Variants in LAMA2 observed in about 807,000 individuals in gnomAD.
LAMA2 encodes the protein laminin subunit alpha-2.
In LAMA2, 269 loss-of-function variants were observed where a neutral mutation model predicts 364.8. That is an observed-to-expected ratio of 0.74 (90% CI 0.67 to 0.82). The LOEUF is 0.82. Among genes scored for constraint, LAMA2 ranks in the 40% least tolerant of loss-of-function variants. The pLI is 0.00. For missense variants in LAMA2, 3,807 were observed against 3,873.2 expected (o/e 0.98, Z 0.45); for synonymous variants, 1,379 against 1,370.6 (o/e 1.01, Z -0.14).
At chr6:128,904,001 A>T (rs2114425458) in intron 1 of LAMA2, among the ~76,000 whole-genome samples, 1 of 152,354 alleles carries the variant, frequency 6.6e-6, no homozygotes, top group Middle Eastern at 3.4e-3. Context: ...AGACCTAAAG[A>T]GGCAACTCCC....
At chr6:129,424,865 A>G (rs867058864) in intron 40 of LAMA2, among the ~76,000 whole-genome samples, 1 of 151,192 alleles carries the variant, frequency 6.6e-6, no homozygotes, top group South Asian at 2.1e-4. Context: ...TATTTACTCC[A>G]AGATAAATGA....
Position 129,231,270 on chromosome 6 carries a change from A to T in LAMA2, c.1783-18842A>T, listed in dbSNP as rs115094488. 4.8e-3 allele frequency among the ~76,000 whole-genome samples: 736 copies of T among 152,264 alleles called. 8 individuals carry two copies. The highest frequency in any genetic ancestry group is 0.017 in the African/African-American group (691 of 41,584). ...AGGCATAGGTTATTATTTTGAAATT[A>T]TGCTTTACTGAACACATAGGAATTG... On this transcript the variant is annotated intron_variant, in intron 12 of 64. Transcript: ENST00000421865.
At chr6:129,442,279 G>T in intron 43 of LAMA2, 1 of 1,196,688 alleles carries the variant, frequency 8.4e-7, no homozygotes, top group Non-Finnish European at 1.1e-6. Context: ...ACTCCTTCAT[G>T]AGCAAGGAAG....
intron 30 of LAMA2, among the ~76,000 whole-genome samples, chr6:129,347,560 A>G (rs1243813538): frequency 1.3e-5 from 2 of 152,178 alleles, no homozygotes; most frequent in Non-Finnish European, 2.9e-5. Flanking sequence ...TTATCTCTGC[A>G]GTGTCCATAG....
chr6:129,310,665 A>C (rs1240771290), intron 22 of LAMA2, among the ~76,000 whole-genome samples: 1 of 152,060 alleles, frequency 6.6e-6, no homozygotes, highest in African/African-American at 2.4e-5. Context: ...TGGTTACTAA[A>C]AAAGGATAAA....
chr6:129,090,445 A>G (rs1049961729), intron 3 of LAMA2, among the ~76,000 whole-genome samples: 2 of 152,214 alleles, frequency 1.3e-5, no homozygotes, highest in Admixed American at 1.3e-4. Context: ...CAGTATTCAA[A>G]TTCATCACAC....
chr6:129,173,399 G>A (rs918227749), intron 9 of LAMA2, among the ~76,000 whole-genome samples: 3 of 152,090 alleles, frequency 2.0e-5, no homozygotes, highest in Non-Finnish European at 4.4e-5. Context: ...ATGTTCAAGA[G>A]AGCTTACATG....
In LAMA2 at chr6:129,352,895, C is replaced by CATT. The variant is rs112598431; in HGVS notation, c.4524-249_4524-247dup. 0.1 allele frequency among the ~76,000 whole-genome samples: 15,621 copies of CATT among 151,412 alleles called. 1,059 individuals carry two copies. The highest frequency in any genetic ancestry group is 0.18 in the African/African-American group (7,275 of 41,214). ...AGCCTGATATTACAAAGTAATTTAA[C>CATT]ATTATTATTATTATTATTATTAATG... On this transcript the variant is annotated intron_variant, in intron 31 of 64. Coordinates refer to ENST00000421865, the MANE Select transcript of LAMA2 (RefSeq NM_000426.4).
chr6:129,141,105 T>C (rs1477774082), intron 4 of LAMA2, among the ~76,000 whole-genome samples: 1 of 152,050 alleles, frequency 6.6e-6, no homozygotes, highest in Non-Finnish European at 1.5e-5. Context: ...AGCGATTTCC[T>C]CCTTTCTTTC....
intron 48 of LAMA2, among the ~76,000 whole-genome samples, chr6:129,457,849 C>T (rs1783050190): frequency 6.6e-6 from 1 of 152,054 alleles, no homozygotes; most frequent in Non-Finnish European, 1.5e-5. Flanking sequence ...TAGAAGGAGG[C>T]TTCTTGCTGT....
In LAMA2 at chr6:129,362,544, C is replaced by T. The variant is rs147763394; in HGVS notation, c.4718-3675C>T. On this transcript the variant is annotated intron_variant, in intron 32 of 64. Coordinates refer to ENST00000421865, the MANE Select transcript of LAMA2 (RefSeq NM_000426.4). ...TCTCTTTGTCCAAAGTGTTTTGATA[C>T]CCTTCTCTCACAAAAATATTAGCCC... Among the ~76,000 whole-genome samples the T allele has an allele frequency of 1.2e-3, 176 of 152,250 alleles. 1 individual carries two copies. Among genetic ancestry groups the T allele is most frequent in the African/African-American group, 4.0e-3 (167 of 41,556 alleles).
chr6:129,395,249 T>C (rs1175051002), intron 37 of LAMA2, among the ~76,000 whole-genome samples: 5 of 152,182 alleles, frequency 3.3e-5, no homozygotes, highest in Non-Finnish European at 5.9e-5. Context: ...GCATTTTAAA[T>C]AAATAACTCC....
chr6:128,913,535 G>T (rs188519696), intron 1 of LAMA2, among the ~76,000 whole-genome samples: 1 of 152,110 alleles, frequency 6.6e-6, no homozygotes, highest in Non-Finnish European at 1.5e-5. Flanking sequence ...CTGACTATGG[G>T]CATTTTAATA....
chr6:129,457,831 G>A (rs1304003148), intron 48 of LAMA2, among the ~76,000 whole-genome samples: 1 of 152,092 alleles, frequency 6.6e-6, no homozygotes, highest in African/African-American at 2.4e-5. Flanking sequence ...GTGAGAGCCA[G>A]TTTTTCATAG....
Position 129,050,066 on chromosome 6 carries a change from T to A in LAMA2, c.261T>A (p.Asn87Lys), listed in dbSNP as rs1271285115. ...GGAACCCGCAGTGTCGAATCTGCAA[T>A]CAAAACAGCAGCAATCCAAACCGTA... ...PVRNPQCRIC[N>K]QNSSNPNQRH... The change falls in exon 2 of 65, where the codon AAT becomes AAA. Residue 87 changes from asparagine to lysine, a missense_variant. Transcript: ENST00000421865. 5.0e-6 allele frequency: 8 copies of A among 1,614,052 alleles called. No individual in the cohort carries two copies. Among genetic ancestry groups the A allele is most frequent in the Non-Finnish European group, 6.8e-6 (8 of 1,180,022 alleles).
intron 63 of LAMA2, among the ~76,000 whole-genome samples, chr6:129,514,082 G>A (rs1323409724): frequency 6.6e-6 from 1 of 152,078 alleles, no homozygotes; most frequent in Non-Finnish European, 1.5e-5. Context: ...TCCTTTTCTT[G>A]TCACCTGGCC....
chr6:129,132,168 CTTT>C (rs1179325141), intron 4 of LAMA2, among the ~76,000 whole-genome samples: 3 of 140,116 alleles, frequency 2.1e-5, no homozygotes. Flanking sequence ...TGACCTTACT[CTTT>C]TTTTTTTTTT....
Position 129,342,454 on chromosome 6 carries a change from T to C in LAMA2, c.4423T>C (p.Ser1475Pro), listed in dbSNP as rs1347775470. The C allele has an allele frequency of 3.1e-6, 5 of 1,613,154 alleles. No individual in the cohort carries two copies. The South Asian group carries it at 5.5e-5, about 18-fold the overall frequency. ...TCAGCAATGTGCCTGCCCTCTGATT[T>C]CTTCCAGTAACAAGTAAGATTGAGA... ...DCQQCACPLI[S>P]SSNNFSPSCV... Residue 1475 changes from serine to proline, a missense_variant, in exon 30 of 65, where the codon TCT becomes CCT. Ser to Pro is a moderately conservative substitution (Grantham distance 74). Around this residue, in one of 3 missense-constraint regions of LAMA2, gnomAD observed 3,333 missense variants for 3,345.7 expected, o/e 1.00. Transcript: ENST00000421865.
At chr6:129,289,936 G>T (rs1418327537) in intron 19 of LAMA2, among the ~76,000 whole-genome samples, 1 of 152,010 alleles carries the variant, frequency 6.6e-6, no homozygotes, top group Non-Finnish European at 1.5e-5. Flanking sequence ...TCACTTCTAT[G>T]CATAAGTGGT....
Sources: gnomAD v4.1 joint callset for allele counts (sites outside exome capture counted in the v4.1 genomes callset) on GRCh38, gnomAD v4.1.1 for gene constraint, gnomAD v4.1.1 regional missense constraint, MANE v1.5 for transcripts, NCBI Gene and HGNC (gene_info 2026-07-23, HGNC 2026-07-21) for gene names.